KCNJ6: variants seen among roughly 807,000 people sequenced by gnomAD.
The protein encoded by KCNJ6 is potassium inwardly rectifying channel subfamily J member 6.
KCNJ6 carries 9 observed loss-of-function variants against 34.2 expected under a neutral mutation model. The ratio of observed to expected loss-of-function variants is 0.26; its 90% CI spans 0.16 to 0.46. KCNJ6 has a LOEUF of 0.46. KCNJ6 is among the 20% of genes least tolerant of loss of function. KCNJ6 has a pLI of 1.00. For missense variants in KCNJ6, 236 were observed against 531.3 expected (o/e 0.44, Z 5.46); for synonymous variants, 196 against 207.1 (o/e 0.95, Z 0.46).
chr21:37,771,330 G>T (rs978627277), intron 2 of KCNJ6, among the ~76,000 whole-genome samples: 5 of 152,134 alleles, frequency 3.3e-5, no homozygotes, highest in African/African-American at 1.2e-4. Context: ...TAAAAGCAGG[G>T]TTGAGTCTTC....
At chr21:37,689,902 T>G (rs556705148) in intron 3 of KCNJ6, among the ~76,000 whole-genome samples, 1 of 152,146 alleles carries the variant, frequency 6.6e-6, no homozygotes, top group South Asian at 2.1e-4. Flanking sequence ...AGTCAAAAGT[T>G]GGGTCTCACA....
intron 2 of KCNJ6, among the ~76,000 whole-genome samples, chr21:37,724,284 T>A (rs2054842511): frequency 6.6e-6 from 1 of 152,166 alleles, no homozygotes; most frequent in African/African-American, 2.4e-5. Flanking sequence ...TTAGTCAATG[T>A]GTTGCTTTCA....
At chr21:37,841,581 G>A (rs2055481139) in intron 1 of KCNJ6, among the ~76,000 whole-genome samples, 1 of 152,072 alleles carries the variant, frequency 6.6e-6, no homozygotes. Flanking sequence ...TTACATTTTG[G>A]TGACTGCTTT....
At chr21:37,912,531 A>T (rs1254683529) in intron 1 of KCNJ6, among the ~76,000 whole-genome samples, 1 of 152,204 alleles carries the variant, frequency 6.6e-6, no homozygotes, top group African/African-American at 2.4e-5. Flanking sequence ...CTCATAATGA[A>T]CGTCTACTTC....
intron 2 of KCNJ6, among the ~76,000 whole-genome samples, chr21:37,745,062 A>G (rs1345657746): frequency 6.7e-6 from 1 of 148,244 alleles, no homozygotes; most frequent in East Asian, 2.0e-4. Context: ...GACTTAGCCC[A>G]ACGTTGCTGG....
chr21:37,725,432 C>T (rs926973394), intron 2 of KCNJ6, among the ~76,000 whole-genome samples: 9 of 152,106 alleles, frequency 5.9e-5, no homozygotes, highest in African/African-American at 1.9e-4. Flanking sequence ...GACTGTCCAT[C>T]CATGGCAAAG....
At chr21:37,779,265 G>T (rs1804749187) in intron 2 of KCNJ6, among the ~76,000 whole-genome samples, 1 of 151,982 alleles carries the variant, frequency 6.6e-6, no homozygotes, top group South Asian at 2.1e-4. Context: ...GGTATTACTG[G>T]CCCATTTCAC....
At chr21:37,735,947 C>T (rs1215707921) in intron 2 of KCNJ6, among the ~76,000 whole-genome samples, 1 of 152,198 alleles carries the variant, frequency 6.6e-6, no homozygotes, top group Non-Finnish European at 1.5e-5. Flanking sequence ...CATTGGGAAG[C>T]ACATGGGGTC....
rs2054268412 is a variant in KCNJ6 at position 37,616,592 on chromosome 21, T to TATATATATATATATATATACATACATAC, written c.*8566_*8567insGTATGTATGTATATATATATATATATAT. 1.0e-5 allele frequency: 1 copy of TATATATATATATATATATACATACATAC among 97,798 alleles called. No individual in the cohort carries two copies. Among genetic ancestry groups the TATATATATATATATATATACATACATAC allele is most frequent in the African/African-American group, 4.1e-5 (1 of 24,662 alleles). The allele number at this position is 97,798 out of a possible 1,614,324, so 6.1% of individuals were successfully genotyped here. A position where few individuals can be genotyped will look rare whatever the true frequency, so the allele number is the denominator to read the frequency against. Reference sequence around the variant, plus strand: ...TTATGAAGCAGGAACAAAATGTACATATATATATATATATATATATATATG... The same window carrying TATATATATATATATATATACATACATAC: ...TTATGAAGCAGGAACAAAATGTACATATATATATATATATATATACATACATACATATATATATATATATATATATATG... On this transcript the variant is annotated 3_prime_UTR_variant, in exon 4 of 4. Coordinates refer to ENST00000609713, the MANE Select transcript of KCNJ6 (RefSeq NM_002240.5).
chr21:37,766,170 G>C (rs1310656638), intron 2 of KCNJ6, among the ~76,000 whole-genome samples: 1 of 152,160 alleles, frequency 6.6e-6, no homozygotes, highest in African/African-American at 2.4e-5. Flanking sequence ...GTACTGTATG[G>C]TTCGGGAAAC....
intron 2 of KCNJ6, among the ~76,000 whole-genome samples, chr21:37,740,810 C>A (rs1467822044): frequency 2.6e-5 from 4 of 152,244 alleles, no homozygotes; most frequent in African/African-American, 9.6e-5. Flanking sequence ...GAGCCTATGC[C>A]TTTAGGTTTA....
chr21:37,776,517 C>A (rs1324332340), intron 2 of KCNJ6, among the ~76,000 whole-genome samples: 1 of 152,046 alleles, frequency 6.6e-6, no homozygotes, highest in African/African-American at 2.4e-5. Flanking sequence ...TTTTGAGATA[C>A]GTCCCATCAA....
chr21:37,625,575 CA>C (rs2054307214), intron 3 of KCNJ6, 91 bp from the exon 4 acceptor site: 59 of 908,740 alleles, frequency 6.5e-5, no homozygotes, highest in Non-Finnish European at 9.3e-5. Flanking sequence ...GTACTGCATG[CA>C]GCTGTTGAGA....
chr21:37,914,743 T>C (rs2055884809), intron 1 of KCNJ6, among the ~76,000 whole-genome samples: 1 of 152,114 alleles, frequency 6.6e-6, no homozygotes, highest in African/African-American at 2.4e-5. Context: ...ATCACCCTTT[T>C]CCGTTTCTTT....
intron 3 of KCNJ6, among the ~76,000 whole-genome samples, chr21:37,701,822 A>G (rs1035305863): frequency 1.3e-5 from 2 of 152,158 alleles, no homozygotes; most frequent in Admixed American, 1.3e-4. Flanking sequence ...AGAGCAGACA[A>G]GCAGGCAGGA....
At chr21:37,701,183 GAGGC>G (rs1285461152) in intron 3 of KCNJ6, among the ~76,000 whole-genome samples, 1 of 152,328 alleles carries the variant, frequency 6.6e-6, no homozygotes, top group Non-Finnish European at 1.5e-5. Context: ...GTGGTGCCCA[GAGGC>G]AGGAAGAGAT....
At chr21:37,756,477 G>A (rs984140341) in intron 2 of KCNJ6, among the ~76,000 whole-genome samples, 1 of 152,188 alleles carries the variant, frequency 6.6e-6, no homozygotes, top group African/African-American at 2.4e-5. Context: ...CCAACCCTTA[G>A]GCAGCACTGA....
At chr21:37,840,805 T>C in intron 1 of KCNJ6, 96 bp from the exon 2 acceptor site, 1 of 651,974 alleles carries the variant, frequency 1.5e-6, no homozygotes. Context: ...TTCCTTCTTT[T>C]TCCTAGGTCA....
At chr21:37,636,781 G>A (rs2054359846) in intron 3 of KCNJ6, among the ~76,000 whole-genome samples, 1 of 152,208 alleles carries the variant, frequency 6.6e-6, no homozygotes, top group Non-Finnish European at 1.5e-5. Context: ...GGTGGGAGAA[G>A]TTTGTGTGCA....
Sources: gnomAD v4.1 joint callset for allele counts (sites outside exome capture counted in the v4.1 genomes callset) on GRCh38, gnomAD v4.1.1 for gene constraint, MANE v1.5 for transcripts, NCBI Gene and HGNC (gene_info 2026-07-23, HGNC 2026-07-21) for gene names.